HK2: variants seen among roughly 807,000 people sequenced by gnomAD.
The protein encoded by HK2 is hexokinase 2, also known as hexokinase-2.
HK2 carries 42 observed loss-of-function variants against 92.9 expected under a neutral mutation model. That is an observed-to-expected ratio of 0.45 (90% confidence interval 0.35 to 0.58). The LOEUF (loss-of-function observed/expected upper bound fraction) is 0.58, where lower values mean the gene tolerates loss of function less well. Among genes scored for constraint, HK2 ranks in the 20% least tolerant of loss-of-function variants. The pLI is 0.00. For missense variants in HK2, 978 were observed against 1,245.1 expected (o/e 0.79, Z 3.23); for synonymous variants, 422 against 468.0 (o/e 0.90, Z 1.27).
chr2:74,884,695 G>A (rs894607778), intron 12 of HK2, among the ~76,000 whole-genome samples: 2 of 152,238 alleles, frequency 1.3e-5, no homozygotes, highest in Non-Finnish European at 2.9e-5. Flanking sequence ...TGAGCACACA[G>A]CTCATTTATG....
intron 12 of HK2, among the ~76,000 whole-genome samples, chr2:74,882,534 A>G (rs1301176958): frequency 2.0e-5 from 3 of 147,180 alleles, no homozygotes; most frequent in African/African-American, 7.5e-5. Flanking sequence ...AGGCTGAGGC[A>G]GGAGGATTAC....
At chr2:74,882,809 A>T (rs926101966) in intron 12 of HK2, among the ~76,000 whole-genome samples, 2 of 151,724 alleles carry the variant, frequency 1.3e-5, no homozygotes, top group African/African-American at 2.4e-5. Context: ...TGGCCAAGCC[A>T]AGATTTGGAT....
chr2:74,885,317 G>A (rs552996072), intron 12 of HK2, among the ~76,000 whole-genome samples, 177 bp from the exon 13 acceptor site: 14 of 152,328 alleles, frequency 9.2e-5, no homozygotes, highest in South Asian at 4.1e-4. Context: ...CACAGTAGGT[G>A]CTCAATAAAT....
intron 12 of HK2, 87 bp from the exon 13 acceptor site, chr2:74,885,407 T>G: frequency 1.1e-6 from 1 of 879,236 alleles, no homozygotes; most frequent in Non-Finnish European, 1.9e-6. Flanking sequence ...ACCTGTGAGG[T>G]TGAGAGCTAG....
In HK2 at chr2:74,877,311, G is replaced by C. The variant is rs1689258502; in HGVS notation, c.1021G>C (p.Asp341His). Residue 341 changes from aspartate (D) to histidine (H), a missense_variant, in exon 8 of 18, where the codon GAC (aspartate) becomes CAC (histidine). By Grantham distance (81) the Asp-to-His change is moderately conservative. This residue lies in a region of HK2 where 742 missense variants were observed against 922.5 expected (regional missense o/e 0.80). Coordinates refer to ENST00000290573, the MANE Select transcript of HK2 (RefSeq NM_000189.5). The part of the protein sequence containing the change: ...TGRFETKDIS[D>H]IEGEKDGIRK... ...TCGCTTTGAGACCAAAGACATCTCA[G>C]ACATTGAAGGGTGAGCTTCTGGCCA... 6.2e-7 allele frequency: 1 copy of C among 1,614,198 alleles called. No individual in the cohort carries two copies. The highest frequency in any genetic ancestry group is 8.5e-7 in the Non-Finnish European group (1 of 1,180,038).
chr2:74,856,219 CAT>C (rs1052604007), intron 2 of HK2, among the ~76,000 whole-genome samples: 8 of 152,148 alleles, frequency 5.3e-5, no homozygotes, highest in African/African-American at 1.4e-4. Context: ...GTTTCCAGCA[CAT>C]GTGTGTCCTT....
At chr2:74,888,253 ATGAAAGT>A (rs1689589308) in intron 16 of HK2, among the ~76,000 whole-genome samples, 195 bp downstream of exon 16, 1 of 152,262 alleles carries the variant, frequency 6.6e-6, no homozygotes, top group Non-Finnish European at 1.5e-5. Context: ...GAGCATTCTC[ATGAAAGT>A]TTGTGCTAAG....
At chr2:74,874,110 G>A (rs777792363) in intron 6 of HK2, among the ~76,000 whole-genome samples, 156 bp from the exon 7 acceptor site, 55 of 152,144 alleles carry the variant, frequency 3.6e-4, no homozygotes, top group Non-Finnish European at 7.1e-4. Flanking sequence ...GTTGGGGGTG[G>A]CAGAAGATTA....
intron 1 of HK2, among the ~76,000 whole-genome samples, chr2:74,840,698 T>C (rs181002204): frequency 0.012 from 1,402 of 118,806 alleles, 49 homozygotes; most frequent in Admixed American, 0.08. Flanking sequence ...AAACCCCGTC[T>C]CTACTAAAAA....
chr2:74,846,590 A>T (rs1017222448), intron 1 of HK2, among the ~76,000 whole-genome samples: 2 of 152,184 alleles, frequency 1.3e-5, no homozygotes, highest in African/African-American at 4.8e-5. Context: ...AGATTCATCT[A>T]TGTGGTTGCA....
At chr2:74,837,631 CCT>C (rs1249171630) in intron 1 of HK2, among the ~76,000 whole-genome samples, 2 of 151,762 alleles carry the variant, frequency 1.3e-5, no homozygotes, top group African/African-American at 4.8e-5. Flanking sequence ...TCCTTTCATT[CCT>C]CTGTCCTGCC....
intron 2 of HK2, among the ~76,000 whole-genome samples, chr2:74,863,329 A>G (rs1688874251): frequency 6.6e-6 from 1 of 152,252 alleles, no homozygotes; most frequent in African/African-American, 2.4e-5. Flanking sequence ...TCTGTTGCTT[A>G]AAATGGTTTG....
chr2:74,876,284 G>C (rs555586529), intron 7 of HK2, among the ~76,000 whole-genome samples: 1 of 152,136 alleles, frequency 6.6e-6, no homozygotes, highest in Non-Finnish European at 1.5e-5. Context: ...TCTCAGTCCT[G>C]GGCCTCCTCC....
rs1333315026 is a variant in HK2 at position 74,877,379 on chromosome 2, T to C, written c.1031+58T>C. 3.9e-5 allele frequency: 63 copies of C among 1,595,240 alleles called. No individual in the cohort carries two copies. In the Middle Eastern group the frequency reaches 5.0e-4, roughly 13 times the overall value. ...GATCACCACACGAGTTGACGGGTAG[T>C]TGGGGAATGAGGAGGGGGCTGTACC... On this transcript the variant is annotated intron_variant, in intron 8 of 17. Transcript: ENST00000290573.
At chr2:74,878,265 G>A (rs1439464609) in intron 8 of HK2, among the ~76,000 whole-genome samples, 2 of 152,210 alleles carry the variant, frequency 1.3e-5, no homozygotes, top group African/African-American at 4.8e-5. Flanking sequence ...GTGGCTGACA[G>A]CAGAGACACT....
At position 74,838,441 on chromosome 2, in the gene HK2, G is replaced by A. The variant is rs567417231; in HGVS notation, c.63+3798G>A. Among the ~76,000 whole-genome samples, 9 of 150,884 alleles carry A rather than the reference G, an allele frequency of 6.0e-5. No homozygotes were observed. The East Asian group carries it at 9.6e-4, about 16-fold the overall frequency. On this transcript the variant is annotated intron_variant, in intron 1 of 17. Coordinates refer to ENST00000290573, the MANE Select transcript of HK2 (RefSeq NM_000189.5). ...TGAGGCCAAAGCATGACCTGAGGCC[G>A]GTCCTGAGGAGGGAGAGAGAAAGGG...
At chr2:74,877,412 T>A in intron 8 of HK2, 91 bp downstream of exon 8, 1 of 1,434,662 alleles carries the variant, frequency 7.0e-7, no homozygotes, top group South Asian at 1.2e-5. Flanking sequence ...ACCTTTTGAC[T>A]CTTCAAGTAT....
intron 1 of HK2, among the ~76,000 whole-genome samples, chr2:74,849,150 AG>A (rs1372776824): frequency 6.6e-6 from 1 of 152,140 alleles, no homozygotes; most frequent in Non-Finnish European, 1.5e-5. Context: ...GCTGGTCTGG[AG>A]GAAAATGCAG....
chr2:74,875,229 T>C (rs991122918), intron 7 of HK2, among the ~76,000 whole-genome samples: 1 of 151,366 alleles, frequency 6.6e-6, no homozygotes, highest in African/African-American at 2.4e-5. Flanking sequence ...CTTGTGACTG[T>C]TGTAGAAAAG....
Sources: allele counts gnomAD v4.1 joint callset (sites outside exome capture counted in the v4.1 genomes callset), GRCh38; gene constraint gnomAD v4.1.1; regional missense constraint gnomAD v4.1.1; transcripts MANE v1.5; gene names NCBI Gene and HGNC (gene_info 2026-07-23, HGNC 2026-07-21).